Variants in PIK3IP1 observed in about 807,000 individuals in gnomAD.
The protein encoded by PIK3IP1 is phosphoinositide-3-kinase interacting protein 1.
PIK3IP1 carries 28 observed loss-of-function variants against 30.7 expected under a neutral mutation model. That is an observed-to-expected ratio of 0.91 (90% confidence interval 0.68 to 1.25). The LOEUF (loss-of-function observed/expected upper bound fraction) is 1.25, where lower values mean the gene tolerates loss of function less well. PIK3IP1 is among the 50% of genes most tolerant of loss of function. The probability of loss-of-function intolerance (pLI) is 0.00; values close to 1 mark genes in which losing one functional copy is unlikely to be tolerated. For synonymous variants in PIK3IP1, 159 were observed against 140.8 expected (o/e 1.13, Z -0.91); for missense variants, 333 against 346.2 (o/e 0.96, Z 0.30).
intron 5 of PIK3IP1, among the ~76,000 whole-genome samples, chr22:31,284,360 A>G (rs1252051520): frequency 1.3e-5 from 2 of 152,230 alleles, no homozygotes; most frequent in African/African-American, 4.8e-5. Context: ...ATCAATTTGT[A>G]TTAATGAGGC....
chr22:31,283,438 A>G (rs2049105912), intron 5 of PIK3IP1, 150 bp from the exon 6 acceptor site: 8 of 765,328 alleles, frequency 1.0e-5, no homozygotes, highest in South Asian at 3.4e-5. Context: ...CAGGTCCAGG[A>G]TTCTAGGATA....
rs1319642067 is a variant in PIK3IP1 at position 31,289,808 on chromosome 22, T to C, written c.308-109A>G. ...GATGAAGGTGGGTCACCTAAGAATT[T>C]CCCCCCACACACAACCCAAAGTCAA... On this transcript the variant is annotated intron_variant, in intron 3 of 5. Transcript: ENST00000215912. The C allele has an allele frequency of 5.9e-6, 7 of 1,187,720 alleles. No individual in the cohort carries two copies. In the African/African-American group the frequency reaches 9.2e-5, roughly 16 times the overall value. 73.6% of individuals were successfully genotyped at this position (1,187,720 alleles called of 1,614,324 possible). A position where few individuals can be genotyped will look rare whatever the true frequency, so the allele number is the denominator to read the frequency against.
chr22:31,291,026 G>C lies in PIK3IP1; in HGVS notation c.246C>G (p.Cys82Trp), dbSNP rs1229333246. ...GGACGCCGGCCTCGCCACTGACGTA[G>C]CACCAGGGCCCGCGCGGGTCCTCGT... The part of the protein sequence containing the change: ...NPDEDPRGPW[C>W]YVSGEAGVPE... The change falls in exon 3 of 6, where the codon TGC becomes TGG. Residue 82 changes from cysteine (C) to tryptophan (W), a missense_variant. Physicochemically the swap from Cys to Trp is radical, Grantham distance 215. This residue lies in a region of PIK3IP1 where 5 missense variants were observed against 18.5 expected (regional missense o/e 0.27). Transcript: ENST00000215912. 2 of 1,589,494 alleles carry C rather than the reference G, an allele frequency of 1.3e-6. No homozygotes were observed. The highest frequency in any genetic ancestry group is 2.7e-5 in the African/African-American group (2 of 73,760).
intron 5 of PIK3IP1, among the ~76,000 whole-genome samples, chr22:31,284,454 G>A (rs1248735662): frequency 3.9e-5 from 6 of 152,176 alleles, no homozygotes; most frequent in Non-Finnish European, 1.5e-5. Context: ...TTGGAAGCCT[G>A]GAAGCACACT....
intron 5 of PIK3IP1, among the ~76,000 whole-genome samples, chr22:31,284,573 C>T (rs1277998991): frequency 6.6e-6 from 1 of 152,058 alleles, no homozygotes; most frequent in African/African-American, 2.4e-5. Flanking sequence ...GCTACACTGA[C>T]CATCAGGCAG....
intron 5 of PIK3IP1, among the ~76,000 whole-genome samples, chr22:31,287,329 A>ATT (rs776460911): frequency 0.039 from 3,329 of 85,616 alleles, 289 homozygotes; most frequent in African/African-American, 0.11. Context: ...CATTACCTAC[A>ATT]TTTTTTTTTT....
intron 1 of PIK3IP1, 103 bp downstream of exon 1, chr22:31,292,172 T>C: frequency 8.5e-7 from 1 of 1,181,348 alleles, no homozygotes. Flanking sequence ...AGAAACCGGC[T>C]AAACGCTTCG....
Position 31,289,321 on chromosome 22 carries a change from T to C in PIK3IP1, c.581A>G (p.Tyr194Cys), listed in dbSNP as rs780193835. Residue 194 changes from tyrosine to cysteine, a missense_variant, in exon 5 of 6, where the codon TAC becomes TGC. Tyr to Cys is a radical substitution (Grantham distance 194). Transcript: ENST00000215912. ...IGAGIILGYS[Y>C]KRGKDLKEQH... ...CAGAAGAGAAGCTACTGACCTCTTGTAGGAGTAGCCCAAGATGATGCCAGC... is the reference window on the plus strand; with the variant it reads ...CAGAAGAGAAGCTACTGACCTCTTGCAGGAGTAGCCCAAGATGATGCCAGC... 2.5e-6 allele frequency: 4 copies of C among 1,614,110 alleles called. No homozygotes were observed. Among genetic ancestry groups the C allele is most frequent in the Admixed American group, 3.3e-5 (2 of 60,020 alleles).
At chr22:31,287,203 G>C (rs2049138042) in intron 5 of PIK3IP1, among the ~76,000 whole-genome samples, 1 of 151,020 alleles carries the variant, frequency 6.6e-6, no homozygotes, top group Non-Finnish European at 1.5e-5. Flanking sequence ...TTTTTTTGTA[G>C]AGACAGGGTT....
chr22:31,283,040 G>T lies in PIK3IP1; in HGVS notation c.*44C>A. Reference sequence around the variant, plus strand: ...CCTCCTAGCTGTAGGAGGGTGGGCTGTCCTGCACCAGTGTCTGCATGGGCT... The same window carrying T: ...CCTCCTAGCTGTAGGAGGGTGGGCTTTCCTGCACCAGTGTCTGCATGGGCT... On this transcript the variant is annotated 3_prime_UTR_variant, in exon 6 of 6. Transcript: ENST00000215912. 6.7e-7 allele frequency: 1 copy of T among 1,490,972 alleles called. No homozygotes were observed. Among genetic ancestry groups the T allele is most frequent in the Non-Finnish European group, 9.1e-7 (1 of 1,093,172 alleles). 92.4% of individuals were successfully genotyped at this position (1,490,972 alleles called of 1,614,324 possible).
In PIK3IP1 at chr22:31,292,086, T is replaced by C. The variant is rs2049185154; in HGVS notation, c.70+189A>G. On this transcript the variant is annotated intron_variant, in intron 1 of 5. Transcript: ENST00000215912. ...GCAGAGAGAAAGTGGCTTCTTGCCTTTGTTCTTAATGGCAAAGATGGAGCT... is the reference window on the plus strand; with the variant it reads ...GCAGAGAGAAAGTGGCTTCTTGCCTCTGTTCTTAATGGCAAAGATGGAGCT... Among the ~76,000 whole-genome samples the C allele has an allele frequency of 2.0e-5, 3 of 152,158 alleles. No individual in the cohort carries two copies. The South Asian group carries it at 6.2e-4, about 31-fold the overall frequency.
rs1045014480 is a variant in PIK3IP1, at chr22:31,282,117, G to A, written c.*967C>T. 6.6e-6 allele frequency: 1 copy of A among 152,314 alleles called. No individual in the cohort carries two copies. The highest frequency in any genetic ancestry group is 2.4e-5 in the African/African-American group (1 of 41,476). The allele number at this position is 152,314 out of a possible 1,614,324, so 9.4% of individuals were successfully genotyped here. On this transcript the variant is annotated 3_prime_UTR_variant, in exon 6 of 6. Coordinates refer to ENST00000215912, the MANE Select transcript of PIK3IP1 (RefSeq NM_052880.5). ...GTGACCCTAGCCCCAGTGCCCTACA[G>A]GAAGGTGCTGACCTGGACGCCCGCA...
intron 1 of PIK3IP1, among the ~76,000 whole-genome samples, chr22:31,291,997 G>T (rs909815456): frequency 6.6e-6 from 1 of 152,196 alleles, no homozygotes; most frequent in Non-Finnish European, 1.5e-5. Flanking sequence ...GGCTTAGAAA[G>T]AACAGGACTT....
At chr22:31,290,870 C>T (rs1426807459) in intron 3 of PIK3IP1, 95 bp downstream of exon 3, 13 of 1,425,426 alleles carry the variant, frequency 9.1e-6, no homozygotes, top group Middle Eastern at 2.6e-4. Context: ...GGAGCGGGGC[C>T]GGCCGGCATC....
intron 5 of PIK3IP1, among the ~76,000 whole-genome samples, chr22:31,286,672 T>C (rs2049132763): frequency 6.6e-6 from 1 of 152,148 alleles, no homozygotes; most frequent in Admixed American, 6.5e-5. Context: ...GAGCTCAGAA[T>C]TAAGAATGTT....
intron 1 of PIK3IP1, 107 bp downstream of exon 1, chr22:31,292,168 C>T: frequency 9.0e-7 from 1 of 1,113,956 alleles, no homozygotes; most frequent in Non-Finnish European, 1.3e-6. Context: ...CAACAGAAAC[C>T]GGCTAAACGC....
At position 31,290,989 on chromosome 22, in the gene PIK3IP1, G is replaced by C. The variant is rs766462679; in HGVS notation, c.283C>G (p.Pro95Ala). 5 of 1,605,522 alleles carry C rather than the reference G, an allele frequency of 3.1e-6. No individual in the cohort carries two copies. The highest frequency in any genetic ancestry group is 3.4e-6 in the Non-Finnish European group (4 of 1,176,846). ...CCTGGACAGCGCAGGTCCTCGCAAG[G>C]CCGTTTCTCAGGGACGCCGGCCTCG... is the stretch of plus-strand genomic sequence containing the variant. ...SGEAGVPEKR[P>A]CEDLRCPETT... Residue 95 changes from proline (P) to alanine (A), a missense_variant, in exon 3 of 6, where the codon CCT becomes GCT. Around this residue, in one of 3 missense-constraint regions of PIK3IP1, gnomAD observed 217 missense variants for 227.7 expected, o/e 0.95. Transcript: ENST00000215912.
chr22:31,290,116 G>A (rs2413048), intron 3 of PIK3IP1: 60,345 of 157,118 alleles, frequency 0.38, 13,392 homozygotes, highest in Middle Eastern at 0.56. Flanking sequence ...TGTGCCGGGA[G>A]CGGTGGCTCA....
At chr22:31,291,374 C>G (rs1382708611) in intron 1 of PIK3IP1, 78 bp from the exon 2 acceptor site, 2 of 1,378,768 alleles carry the variant, frequency 1.5e-6, no homozygotes, top group Non-Finnish European at 2.0e-6. Flanking sequence ...ACAGGGGAGC[C>G]GGGACCACCC....
Sources: gnomAD v4.1 joint callset for allele counts (sites outside exome capture counted in the v4.1 genomes callset) on GRCh38, gnomAD v4.1.1 for gene constraint, gnomAD v4.1.1 regional missense constraint, MANE v1.5 for transcripts, NCBI Gene and HGNC (gene_info 2026-07-23, HGNC 2026-07-21) for gene names.